TBC1D19: variants seen among roughly 807,000 people sequenced by gnomAD.
TBC1D19 encodes TBC1 domain family member 19, also known as TBC1 domain family, member 19.
Under a neutral mutation model 89.0 loss-of-function variants are expected in TBC1D19, and 60 were observed. The ratio of observed to expected loss-of-function variants is 0.67; its 90% CI spans 0.55 to 0.84. The LOEUF is 0.84. Among genes scored for constraint, TBC1D19 ranks in the 40% least tolerant of loss-of-function variants. The probability of loss-of-function intolerance (pLI) is 0.00; values close to 1 mark genes in which losing one functional copy is unlikely to be tolerated. For missense variants in TBC1D19, 500 were observed against 610.8 expected (o/e 0.82, Z 1.91); for synonymous variants, 189 against 199.7 (o/e 0.95, Z 0.45).
rs1009128829 is a variant in TBC1D19, at chr4:26,591,225, T to C, written c.99+6933T>C. On this transcript the variant is annotated intron_variant, in intron 1 of 20. Coordinates refer to ENST00000264866, the MANE Select transcript of TBC1D19 (RefSeq NM_018317.4). ...TCCTCTCTGTCTTTTTGTGGCTTGATAGCTGATTTTTTTTTCTGTTTAGTA... is the reference window on the plus strand; with the variant it reads ...TCCTCTCTGTCTTTTTGTGGCTTGACAGCTGATTTTTTTTTCTGTTTAGTA... 2.0e-5 allele frequency among the ~76,000 whole-genome samples: 3 copies of C among 152,278 alleles called. No homozygotes were observed. The East Asian group carries it at 5.8e-4, about 29-fold the overall frequency.
intron 7 of TBC1D19, among the ~76,000 whole-genome samples, chr4:26,659,220 A>C (rs1468872662): frequency 6.6e-6 from 1 of 152,018 alleles, no homozygotes; most frequent in Non-Finnish European, 1.5e-5. Flanking sequence ...TGATTCTAAA[A>C]TTTTTCCTGA....
At chr4:26,821,791 A>G in the TBC1D19 span, among the ~76,000 whole-genome samples, 1 of 152,144 alleles carries the variant, frequency 6.6e-6, no homozygotes, top group Non-Finnish European at 1.5e-5. Context: ...CTCATCACAC[A>G]CAGGTCAGCA....
At chr4:26,728,743 G>A (rs1026454396) in intron 15 of TBC1D19, among the ~76,000 whole-genome samples, 8 of 151,988 alleles carry the variant, frequency 5.3e-5, no homozygotes, top group South Asian at 4.1e-4. Flanking sequence ...GCCGGGCGTG[G>A]TGGCTCACGC....
chr4:26,707,990 G>A (rs1577966084), intron 13 of TBC1D19, among the ~76,000 whole-genome samples: 1 of 151,980 alleles, frequency 6.6e-6, no homozygotes, highest in Non-Finnish European at 1.5e-5. Flanking sequence ...TCAAATGTAC[G>A]AGTTTCTTAA....
At chr4:26,741,168 A>G (rs1322459233) in intron 17 of TBC1D19, among the ~76,000 whole-genome samples, 1 of 151,994 alleles carries the variant, frequency 6.6e-6, no homozygotes, top group Non-Finnish European at 1.5e-5. Context: ...CATCCTGGCT[A>G]ACAAGGTGAA....
At chr4:26,629,780 T>A (rs184691914) in intron 4 of TBC1D19, among the ~76,000 whole-genome samples, 1 of 152,154 alleles carries the variant, frequency 6.6e-6, no homozygotes, top group African/African-American at 2.4e-5. Context: ...GGAAAAGGCA[T>A]ACATTATAAT....
intron 13 of TBC1D19, among the ~76,000 whole-genome samples, chr4:26,715,057 C>T (rs560050569): frequency 6.6e-6 from 1 of 152,122 alleles, no homozygotes; most frequent in Admixed American, 6.6e-5. Context: ...CTTTCACTAC[C>T]ATCTATATGT....
intron 4 of TBC1D19, among the ~76,000 whole-genome samples, chr4:26,632,806 G>A (rs1742882564): frequency 6.6e-6 from 1 of 152,114 alleles, no homozygotes; most frequent in African/African-American, 2.4e-5. Flanking sequence ...AAGCAGTCTT[G>A]AATAATCAGA....
downstream of TBC1D19, among the ~76,000 whole-genome samples, chr4:26,758,569 G>A (rs1396753171): frequency 6.6e-6 from 1 of 152,120 alleles, no homozygotes; most frequent in Non-Finnish European, 1.5e-5. Flanking sequence ...GAGAGCTAGT[G>A]AAACTTAATT....
At chr4:26,814,302 A>G in the TBC1D19 span, among the ~76,000 whole-genome samples, 1 of 152,240 alleles carries the variant, frequency 6.6e-6, no homozygotes, top group Non-Finnish European at 1.5e-5. Context: ...GTGTGCGGTG[A>G]TAATAAACAA....
At chr4:26,793,511 T>C in the TBC1D19 span, among the ~76,000 whole-genome samples, 2 of 151,972 alleles carry the variant, frequency 1.3e-5, no homozygotes, top group Non-Finnish European at 2.9e-5. Context: ...GATCACTTGA[T>C]GTCAGGAGTT....
intron 13 of TBC1D19, among the ~76,000 whole-genome samples, chr4:26,707,236 G>A (rs996890606): frequency 5.9e-5 from 9 of 151,982 alleles, no homozygotes; most frequent in Middle Eastern, 3.4e-3. Flanking sequence ...GTACATAAAT[G>A]TTTATAGCTG....
the TBC1D19 span, among the ~76,000 whole-genome samples, chr4:26,819,302 C>T: frequency 2.0e-4 from 30 of 152,260 alleles, no homozygotes; most frequent in Middle Eastern, 3.4e-3. Flanking sequence ...TAGGACGTCC[C>T]CTGGTGGGAA....
the TBC1D19 span, among the ~76,000 whole-genome samples, chr4:26,803,064 A>G: frequency 3.3e-5 from 5 of 152,162 alleles, no homozygotes; most frequent in Admixed American, 6.6e-5. Context: ...ACCTCTTAAT[A>G]CCATCACATT....
At chr4:26,838,358 G>T in the TBC1D19 span, among the ~76,000 whole-genome samples, 4 of 152,172 alleles carry the variant, frequency 2.6e-5, no homozygotes, top group Admixed American at 2.6e-4. Flanking sequence ...TCAAAGGTTG[G>T]TACTTAAAGT....
chr4:26,629,850 T>C (rs952089307), intron 4 of TBC1D19, among the ~76,000 whole-genome samples: 1 of 151,850 alleles, frequency 6.6e-6, no homozygotes, highest in Non-Finnish European at 1.5e-5. Flanking sequence ...AAAATATATA[T>C]GTTTTTATGT....
chr4:26,591,607 G>T (rs985044151), intron 1 of TBC1D19, among the ~76,000 whole-genome samples: 4 of 151,974 alleles, frequency 2.6e-5, no homozygotes, highest in African/African-American at 9.7e-5. Context: ...TAATAAAGAA[G>T]AAAAGAGAGA....
chr4:26,708,607 A>G (rs1001806559), intron 13 of TBC1D19, among the ~76,000 whole-genome samples: 4 of 152,042 alleles, frequency 2.6e-5, no homozygotes, highest in Non-Finnish European at 1.5e-5. Context: ...TACCTTGCAT[A>G]TCGGTTGGCT....
At chr4:26,654,055 T>G (rs952395185) in intron 7 of TBC1D19, among the ~76,000 whole-genome samples, 6 of 152,214 alleles carry the variant, frequency 3.9e-5, no homozygotes, top group Admixed American at 6.5e-5. Context: ...AGGAGCTCTT[T>G]TAGGGCAGGC....
Sources: allele counts gnomAD v4.1 joint callset (sites outside exome capture counted in the v4.1 genomes callset), GRCh38; gene constraint gnomAD v4.1.1; transcripts MANE v1.5; gene names NCBI Gene and HGNC (gene_info 2026-07-23, HGNC 2026-07-21).